The following CLASP1 variants were observed in gnomAD, a reference collection of about 807,000 sequenced individuals.
CLASP1 encodes the protein cytoplasmic linker associated protein 1, also known as CLIP-associating protein 1.
CLASP1 carries 38 observed loss-of-function variants against 192.3 expected under a neutral mutation model. The observed-to-expected ratio is 0.20, with a 90% CI of 0.15 to 0.26. The LOEUF (loss-of-function observed/expected upper bound fraction) is 0.26, where lower values mean the gene tolerates loss of function less well. Ranked by LOEUF, CLASP1 falls within the 10% of genes least tolerant of loss-of-function variation. CLASP1 has a pLI of 1.00. For synonymous variants in CLASP1, 691 were observed against 712.8 expected, an observed-to-expected ratio of 0.97 and a Z score of 0.49; for missense variants, 1,433 against 1,932.5, an observed-to-expected ratio of 0.74 and a Z score of 4.85.
chr2:121,360,713 A>G (rs985073135), intron 37 of CLASP1, among the ~76,000 whole-genome samples: 2 of 152,194 alleles, frequency 1.3e-5, no homozygotes, highest in African/African-American at 4.8e-5. Flanking sequence ...AAGTTTTATA[A>G]GGAAACTCCA....
intron 38 of CLASP1, among the ~76,000 whole-genome samples, chr2:121,347,982 T>TCATGTAGCC (rs1278154313): frequency 8.2e-5 from 10 of 121,912 alleles, no homozygotes; most frequent in Non-Finnish European, 3.2e-5. Context: ...TTCTCTACTG[T>TCATGTAGCC]CATGTAGCCC....
chr2:121,469,734 G>A lies in CLASP1; in HGVS notation c.865+74C>T, dbSNP rs77348572. On this transcript the variant is annotated intron_variant, in intron 9 of 39. Transcript: ENST00000263710. Reference sequence around the variant, plus strand: ...TGTATCACTTCTGAGGGCCACCACAGGCAAGTACGTGCACCTCTGGTTTGA... The same window carrying A: ...TGTATCACTTCTGAGGGCCACCACAAGCAAGTACGTGCACCTCTGGTTTGA... The A allele has an allele frequency of 2.4e-4, 352 of 1,459,906 alleles. 3 individuals carry two copies. In the East Asian group the frequency reaches 8.0e-3, roughly 33 times the overall value. 90.4% of individuals were successfully genotyped at this position (1,459,906 alleles called of 1,614,324 possible). A position where few individuals can be genotyped will look rare whatever the true frequency, so the allele number is the denominator to read the frequency against.
chr2:121,442,946 G>A (rs1279303757), intron 19 of CLASP1, among the ~76,000 whole-genome samples: 1 of 152,152 alleles, frequency 6.6e-6, no homozygotes, highest in African/African-American at 2.4e-5. Flanking sequence ...GACATCTCCT[G>A]CAGACTTTAC....
intron 8 of CLASP1, among the ~76,000 whole-genome samples, chr2:121,491,289 T>G (rs2093292256): frequency 1.3e-5 from 2 of 152,276 alleles, no homozygotes; most frequent in African/African-American, 2.4e-5. Flanking sequence ...GGTCTTTTAC[T>G]TCAGCTACAA....
chr2:121,435,419 C>T (rs1016674536), intron 19 of CLASP1, among the ~76,000 whole-genome samples: 3 of 152,124 alleles, frequency 2.0e-5, no homozygotes, highest in Non-Finnish European at 2.9e-5. Flanking sequence ...GGAATACAGG[C>T]ATGTGCCACC....
intron 39 of CLASP1, among the ~76,000 whole-genome samples, chr2:121,344,067 T>A (rs1335481128): frequency 6.6e-6 from 1 of 151,006 alleles, no homozygotes; most frequent in Non-Finnish European, 1.5e-5. Flanking sequence ...TGAGACTCTA[T>A]CTCAAAAAAA....
chr2:121,495,490 G>A (rs1240425061), intron 8 of CLASP1, among the ~76,000 whole-genome samples: 3 of 150,900 alleles, frequency 2.0e-5, no homozygotes, highest in African/African-American at 4.9e-5. Flanking sequence ...GTGAAACCCC[G>A]TCTCTACTAA....
intron 5 of CLASP1, among the ~76,000 whole-genome samples, chr2:121,526,782 C>A (rs75919049): frequency 1.8e-4 from 27 of 151,818 alleles, no homozygotes; most frequent in African/African-American, 6.3e-4. Flanking sequence ...TTTTTCCTTG[C>A]GTACATTTTT....
chr2:121,398,548 A>C, intron 28 of CLASP1, 148 bp from the exon 30 acceptor site: 1 of 577,952 alleles, frequency 1.7e-6, no homozygotes, highest in East Asian at 2.9e-5. Context: ...TTTTATGTAG[A>C]GTAATACATG....
intron 2 of CLASP1, among the ~76,000 whole-genome samples, chr2:121,550,667 T>C (rs770954810): frequency 3.3e-5 from 5 of 152,294 alleles, no homozygotes; most frequent in African/African-American, 1.2e-4. Context: ...CCTGGACACA[T>C]ACAGTCTCCT....
rs962011218 is a variant in CLASP1, at chr2:121,447,270, C to A, written c.1912+67G>T. ...GCCTCAATCATGGGTTTGTATTTTG[C>A]TAAGAGGTTAAGAGTCATCTCTTGC... On this transcript the variant is annotated intron_variant, in intron 19 of 39. Transcript: ENST00000263710. 5.7e-6 allele frequency: 8 copies of A among 1,395,264 alleles called. No individual in the cohort carries two copies. The African/African-American group carries it at 8.7e-5, about 15-fold the overall frequency. The allele number at this position is 1,395,264 out of a possible 1,614,324, so 86.4% of individuals were successfully genotyped here. A position where few individuals can be genotyped will look rare whatever the true frequency, so the allele number is the denominator to read the frequency against.
At chr2:121,452,606 C>G (rs1286892029) in intron 14 of CLASP1, among the ~76,000 whole-genome samples, 1 of 152,118 alleles carries the variant, frequency 6.6e-6, no homozygotes, top group African/African-American at 2.4e-5. Context: ...GCCTGGCTAA[C>G]ATGGTGAAAC....
intron 1 of CLASP1, among the ~76,000 whole-genome samples, chr2:121,618,579 A>T (rs1403975641): frequency 6.6e-6 from 1 of 151,910 alleles, no homozygotes; most frequent in Non-Finnish European, 1.5e-5. Flanking sequence ...ATCTATACAG[A>T]CAAAATATCA....
intron 2 of CLASP1, among the ~76,000 whole-genome samples, chr2:121,574,272 G>A (rs2060258315): frequency 6.6e-6 from 1 of 151,104 alleles, no homozygotes; most frequent in Non-Finnish European, 1.5e-5. Flanking sequence ...AGCTTGCAGT[G>A]AGCTGAGATT....
chr2:121,385,550 T>C (rs1558980247), intron 32 of CLASP1, among the ~76,000 whole-genome samples: 1 of 152,238 alleles, frequency 6.6e-6, no homozygotes, highest in Non-Finnish European at 1.5e-5. Context: ...TAGCCAGTTT[T>C]AGCTCTGATG....
At chr2:121,562,429 T>C (rs1489104729) in intron 2 of CLASP1, among the ~76,000 whole-genome samples, 1 of 152,214 alleles carries the variant, frequency 6.6e-6, no homozygotes, top group Non-Finnish European at 1.5e-5. Context: ...TCATCCCTTT[T>C]CCTGAATTCT....
At chr2:121,589,221 C>T (rs1576280222) in intron 2 of CLASP1, among the ~76,000 whole-genome samples, 1 of 152,216 alleles carries the variant, frequency 6.6e-6, no homozygotes, top group African/African-American at 2.4e-5. Flanking sequence ...AGAAAGATTA[C>T]TGACCATCAT....
intron 2 of CLASP1, among the ~76,000 whole-genome samples, chr2:121,553,840 T>C (rs2058268007): frequency 6.6e-6 from 1 of 152,194 alleles, no homozygotes; most frequent in African/African-American, 2.4e-5. Context: ...TTATTCATAA[T>C]GGCAAAAAGC....
intron 1 of CLASP1, among the ~76,000 whole-genome samples, chr2:121,637,076 A>G (rs1304324779): frequency 6.6e-6 from 1 of 152,240 alleles, no homozygotes; most frequent in Non-Finnish European, 1.5e-5. Context: ...AATAGAACAT[A>G]TACTCTCCTA....
Sources: allele counts gnomAD v4.1 joint callset (sites outside exome capture counted in the v4.1 genomes callset), GRCh38; gene constraint gnomAD v4.1.1; transcripts MANE v1.5; gene names NCBI Gene and HGNC (gene_info 2026-07-23, HGNC 2026-07-21).